Variants in LHFPL3 observed in about 807,000 individuals in gnomAD.
LHFPL3 encodes LHFPL tetraspan subfamily member 3.
LHFPL3 carries 5 observed loss-of-function variants against 19.3 expected under a neutral mutation model. That is an observed-to-expected ratio of 0.26 (90% CI 0.14 to 0.54). The LOEUF is 0.54. Ranked by LOEUF, LHFPL3 falls within the 20% of genes least tolerant of loss-of-function variation. The probability of loss-of-function intolerance (pLI) is 0.94; values close to 1 mark genes in which losing one functional copy is unlikely to be tolerated. For synonymous variants in LHFPL3, 133 were observed against 126.2 expected (o/e 1.05, Z -0.36); for missense variants, 249 against 307.4 (o/e 0.81, Z 1.42).
chr7:104,744,471 C>T (rs1584510168), intron 2 of LHFPL3, among the ~76,000 whole-genome samples: 1 of 152,272 alleles, frequency 6.6e-6, no homozygotes, highest in South Asian at 2.1e-4. Context: ...TCAGAATGTG[C>T]CTCTAAAGAA....
At chr7:104,698,028 A>T (rs976392682) in intron 1 of LHFPL3, among the ~76,000 whole-genome samples, 2 of 152,222 alleles carry the variant, frequency 1.3e-5, no homozygotes, top group Admixed American at 1.3e-4. Context: ...CCAAATCCTT[A>T]TTCCAATATC....
intron 1 of LHFPL3, among the ~76,000 whole-genome samples, chr7:104,403,624 A>G (rs911166556): frequency 6.6e-6 from 1 of 152,206 alleles, no homozygotes; most frequent in African/African-American, 2.4e-5. Flanking sequence ...TATTAAAAAT[A>G]TCTTTGGAGG....
chr7:104,525,891 T>TC (rs1562925851), intron 1 of LHFPL3, among the ~76,000 whole-genome samples: 56 of 151,826 alleles, frequency 3.7e-4, no homozygotes, highest in African/African-American at 1.3e-3. Context: ...AGGGGTGAGC[T>TC]ACTGTGCCTG....
chr7:104,859,329 C>A lies in LHFPL3; in HGVS notation c.683-46858C>A, dbSNP rs546313829. Among the ~76,000 whole-genome samples the A allele has an allele frequency of 3.3e-3, 497 of 151,564 alleles. 3 individuals are homozygous for A. The highest frequency in any genetic ancestry group is 0.012 in the African/African-American group (480 of 41,342). On this transcript the variant is annotated intron_variant, in intron 2 of 2. Transcript: ENST00000424859. ...CATTTCTATTACCACCCTACCTAGT[C>A]ACTCTTTTTGAAAAAAATTATTATG...
chr7:104,568,042 A>G (rs1427936075), intron 1 of LHFPL3, among the ~76,000 whole-genome samples: 1 of 152,196 alleles, frequency 6.6e-6, no homozygotes, highest in Non-Finnish European at 1.5e-5. Flanking sequence ...CAAGAGGATG[A>G]GTCTAATTCC....
intron 2 of LHFPL3, among the ~76,000 whole-genome samples, chr7:104,868,575 A>G (rs1321823510): frequency 6.6e-6 from 1 of 152,230 alleles, no homozygotes; most frequent in African/African-American, 2.4e-5. Flanking sequence ...GAAATAAAAG[A>G]GGATACAAAC....
At chr7:104,819,260 C>T (rs2116519050) in intron 2 of LHFPL3, among the ~76,000 whole-genome samples, 1 of 151,964 alleles carries the variant, frequency 6.6e-6, no homozygotes, top group Non-Finnish European at 1.5e-5. Flanking sequence ...ACAATCATCG[C>T]AATTAACATG....
At chr7:104,526,527 C>T (rs984117422) in intron 1 of LHFPL3, among the ~76,000 whole-genome samples, 1 of 152,186 alleles carries the variant, frequency 6.6e-6, no homozygotes, top group Non-Finnish European at 1.5e-5. Flanking sequence ...TGGCCAGTGC[C>T]AACTTGAAAA....
intron 1 of LHFPL3, among the ~76,000 whole-genome samples, chr7:104,704,445 G>C (rs73415633): frequency 6.6e-6 from 1 of 151,378 alleles, no homozygotes; most frequent in East Asian, 1.9e-4. Context: ...AGGATTTATT[G>C]TTTATGAGTG....
At chr7:104,331,498 A>C (rs1036696512) in intron 1 of LHFPL3, among the ~76,000 whole-genome samples, 4 of 151,636 alleles carry the variant, frequency 2.6e-5, no homozygotes, top group Non-Finnish European at 5.9e-5. Flanking sequence ...GACAGGTCAA[A>C]TAAGGATCTG....
At chr7:104,796,424 C>A (rs6963344) in intron 2 of LHFPL3, 8 of 152,200 alleles carry the variant, frequency 5.3e-5, no homozygotes, top group African/African-American at 1.9e-4. Flanking sequence ...ATTGGAGGAA[C>A]CTAACAGAGA....
intron 1 of LHFPL3, among the ~76,000 whole-genome samples, chr7:104,430,646 T>G (rs535400497): frequency 1.3e-5 from 2 of 149,750 alleles, no homozygotes; most frequent in East Asian, 3.9e-4. Context: ...TCTTTTGTAT[T>G]TTTAGTAGAG....
In LHFPL3 at chr7:104,666,512, C is replaced by CTTTTTTTTTTTTTTTTTTTTTTTTTTT. The variant is rs71155514; in HGVS notation, c.446-70162_446-70136dup. On this transcript the variant is annotated intron_variant, in intron 1 of 2. Transcript: ENST00000424859. ...TTGCTGAAAATGACAGGATTTCATT[C>CTTTTTTTTTTTTTTTTTTTTTTTTTTT]TTTTTTTTTTTTTTTTTTTTTTTTT... 2.1e-4 allele frequency among the ~76,000 whole-genome samples: 9 copies of CTTTTTTTTTTTTTTTTTTTTTTTTTTT among 42,236 alleles called. 4 individuals carry two copies. Among genetic ancestry groups the CTTTTTTTTTTTTTTTTTTTTTTTTTTT allele is most frequent in the Non-Finnish European group, 2.3e-4 (5 of 22,202 alleles). 27.7% of individuals were successfully genotyped at this position (42,236 alleles called of 152,430 possible). A position where few individuals can be genotyped will look rare whatever the true frequency, so the allele number is the denominator to read the frequency against.
intron 1 of LHFPL3, among the ~76,000 whole-genome samples, chr7:104,595,128 T>C (rs1044145249): frequency 6.6e-6 from 1 of 152,236 alleles, no homozygotes; most frequent in Non-Finnish European, 1.5e-5. Context: ...CACTCTGATT[T>C]TGAGAATTTT....
intron 1 of LHFPL3, among the ~76,000 whole-genome samples, chr7:104,402,011 A>G (rs16869746): frequency 0.082 from 12,420 of 152,124 alleles, 1,563 homozygotes; most frequent in African/African-American, 0.26. Flanking sequence ...GCATTGAAAA[A>G]GTATAAAACA....
chr7:104,763,417 G>C (rs1264706862), intron 2 of LHFPL3, among the ~76,000 whole-genome samples: 1 of 152,194 alleles, frequency 6.6e-6, no homozygotes, highest in Non-Finnish European at 1.5e-5. Flanking sequence ...AAGAAAGAAG[G>C]CAAGGTAGAT....
At chr7:104,460,334 A>G (rs1792634508) in intron 1 of LHFPL3, among the ~76,000 whole-genome samples, 1 of 152,186 alleles carries the variant, frequency 6.6e-6, no homozygotes, top group Non-Finnish European at 1.5e-5. Context: ...TCTTTATGGT[A>G]GAATGATTTA....
intron 1 of LHFPL3, among the ~76,000 whole-genome samples, chr7:104,510,887 C>T (rs908555400): frequency 7.2e-5 from 11 of 151,906 alleles, no homozygotes; most frequent in East Asian, 3.9e-4. Context: ...CAATAAACAC[C>T]GGGGCCTATC....
At chr7:104,391,683 T>C (rs533238630) in intron 1 of LHFPL3, among the ~76,000 whole-genome samples, 3 of 152,214 alleles carry the variant, frequency 2.0e-5, no homozygotes, top group East Asian at 1.9e-4. Context: ...TTTTTGGTTC[T>C]ATATGAACTT....
Sources: gnomAD v4.1 joint callset for allele counts (sites outside exome capture counted in the v4.1 genomes callset) on GRCh38, gnomAD v4.1.1 for gene constraint, MANE v1.5 for transcripts, NCBI Gene and HGNC (gene_info 2026-07-23, HGNC 2026-07-21) for gene names.